The following TRIM11 variants were observed in gnomAD, a reference collection of about 807,000 sequenced individuals.
TRIM11 encodes the protein tripartite motif containing 11, also known as E3 ubiquitin-protein ligase TRIM11.
A neutral mutation model predicts 33.4 loss-of-function variants in TRIM11; 15 were observed. The observed-to-expected ratio is 0.45, with a 90% CI of 0.30 to 0.69. TRIM11 has a LOEUF of 0.69. TRIM11 is among the 30% of genes least tolerant of loss of function. TRIM11 has a pLI of 0.08. For missense variants in TRIM11, 499 were observed against 667.6 expected (o/e 0.75, Z 2.78); for synonymous variants, 281 against 302.6 (o/e 0.93, Z 0.74).
chr1:228,396,959 G>A lies in TRIM11; in HGVS notation c.847C>T (p.Arg283Trp), dbSNP rs753132362. The A allele has an allele frequency of 1.4e-5, 22 of 1,613,854 alleles. No individual in the cohort carries two copies. The highest frequency in any genetic ancestry group is 1.6e-4 in the Middle Eastern group (1 of 6,084). Residue 283 changes from arginine to tryptophan, a missense_variant, in exon 5 of 6, where the codon CGG (arginine) becomes TGG (tryptophan). Physicochemically the swap from Arg to Trp is moderately radical, Grantham distance 101 (BLOSUM62 -3). Transcript: ENST00000284551. ...CRVPGLVETL[R>W]RFRGDVTLDP... ...CCTCCACACCTACCTCGAAACCTCC[G>A]CAGTGTCTCTACCAGTCCCGGGACC...
Position 228,406,002 on chromosome 1 carries a change from C to T in TRIM11, c.408+152G>A. The T allele has an allele frequency of 1.1e-6, 1 of 905,554 alleles. No homozygotes were observed. Among genetic ancestry groups the T allele is most frequent in the Non-Finnish European group, 1.5e-6 (1 of 671,670 alleles). 56.1% of individuals were successfully genotyped at this position (905,554 alleles called of 1,614,324 possible). A position where few individuals can be genotyped will look rare whatever the true frequency, so the allele number is the denominator to read the frequency against. ...CACAGCCACCCTGCGCGACACCCCC[C>T]TCACAGGCCCACAGCAGGCTGCATC... On this transcript the variant is annotated intron_variant, in intron 1 of 5. Transcript: ENST00000284551. The surrounding 1 kb of genome is among the most constrained non-coding windows in gnomAD (Gnocchi z 8.2).
intron 3 of TRIM11, among the ~76,000 whole-genome samples, chr1:228,399,186 C>A (rs1205784703): frequency 6.6e-6 from 1 of 152,090 alleles, no homozygotes; most frequent in Non-Finnish European, 1.5e-5. Flanking sequence ...AACCGGGGGC[C>A]AAGGGTGCAA....
rs1558444587 is a variant in TRIM11, at chr1:228,394,784, G to A, written c.1328C>T (p.Ser443Leu). ...PFSGTLRPLF[S>L]PLSSSPTPMT... ...CGGGGTCGGGCTGCTGGACAGGGGT[G>A]AGAAGAGGGGCCGCAGCGTCCCCGA... The change falls in exon 6 of 6, where the codon TCA becomes TTA. Residue 443 changes from serine (S) to leucine (L), a missense_variant. By Grantham distance (145) the Ser-to-Leu change is moderately radical. Transcript: ENST00000284551. This position sits in a 1 kb window ranked among gnomAD's most constrained non-coding sequence, Gnocchi z 6.2. The A allele has an allele frequency of 6.2e-7, 1 of 1,614,076 alleles. No individual in the cohort carries two copies. The highest frequency in any genetic ancestry group is 8.5e-7 in the Non-Finnish European group (1 of 1,179,980).
At chr1:228,396,870 AAC>A (rs1206718115) in intron 5 of TRIM11, 75 bp downstream of exon 5, 1 of 1,388,220 alleles carries the variant, frequency 7.2e-7, no homozygotes, top group African/African-American at 1.4e-5. Context: ...CAGGGCACAG[AAC>A]ACGTGGCTGG....
chr1:228,402,013 G>A, intron 2 of TRIM11, 53 bp downstream of exon 2: 1 of 1,508,278 alleles, frequency 6.6e-7, no homozygotes, highest in South Asian at 1.2e-5. Context: ...CTCCTATACA[G>A]GACCTTCACC....
chr1:228,406,108 C>A lies in TRIM11; in HGVS notation c.408+46G>T. On this transcript the variant is annotated intron_variant, in intron 1 of 5. Coordinates refer to ENST00000284551, the MANE Select transcript of TRIM11 (RefSeq NM_145214.3). This position sits in a 1 kb window ranked among gnomAD's most constrained non-coding sequence, Gnocchi z 8.2. ...TCCCACCCGCCCAGGCCTCCCCAGT[C>A]CCCGGCTCCCCGACGCCCCTGCACG... 1 of 1,204,638 alleles carries A rather than the reference C, an allele frequency of 8.3e-7. No individual in the cohort carries two copies. The highest frequency in any genetic ancestry group is 1.1e-6 in the Non-Finnish European group (1 of 928,808). The allele number at this position is 1,204,638 out of a possible 1,614,324, so 74.6% of individuals were successfully genotyped here.
Position 228,394,389 on chromosome 1 carries a change from T to A in TRIM11, c.*316A>T. On this transcript the variant is annotated 3_prime_UTR_variant, in exon 6 of 6. Coordinates refer to ENST00000284551, the MANE Select transcript of TRIM11 (RefSeq NM_145214.3). The surrounding 1 kb of genome is among the most constrained non-coding windows in gnomAD (Gnocchi z 6.2). ...CTGGATTCTGCAAGCCCCAGTGGAG[T>A]TTTCTCAGCTTCTGGAACCACAGGC... 5.4e-6 allele frequency: 2 copies of A among 368,514 alleles called. No individual in the cohort carries two copies. The highest frequency in any genetic ancestry group is 4.4e-5 in the Admixed American group (1 of 22,658). The allele number at this position is 368,514 out of a possible 1,614,324, so 22.8% of individuals were successfully genotyped here.
At chr1:228,398,551 C>G (rs896725998) in intron 3 of TRIM11, among the ~76,000 whole-genome samples, 1 of 152,086 alleles carries the variant, frequency 6.6e-6, no homozygotes, top group Non-Finnish European at 1.5e-5. Context: ...CCCAGGACAT[C>G]GAGGCTGCAG....
In TRIM11 at chr1:228,406,128, T is replaced by A; in HGVS notation, c.408+26A>T. 2.5e-6 allele frequency: 3 copies of A among 1,177,382 alleles called. No individual in the cohort carries two copies. Among genetic ancestry groups the A allele is most frequent in the Admixed American group, 4.9e-5 (1 of 20,270 alleles). The allele number at this position is 1,177,382 out of a possible 1,614,324, so 72.9% of individuals were successfully genotyped here. A position where few individuals can be genotyped will look rare whatever the true frequency, so the allele number is the denominator to read the frequency against. On this transcript the variant is annotated intron_variant, in intron 1 of 5. Transcript: ENST00000284551. This position sits in a 1 kb window ranked among gnomAD's most constrained non-coding sequence, Gnocchi z 8.2. ...CCAGTCCCCGGCTCCCCGACGCCCC[T>A]GCACGCCACCCCCGCCCAGGAGCAC...
At position 228,400,928 on chromosome 1, in the gene TRIM11, C is replaced by A. The variant is rs752343618; in HGVS notation, c.735+36G>T. On this transcript the variant is annotated intron_variant, in intron 3 of 5. Transcript: ENST00000284551. This position sits in a 1 kb window ranked among gnomAD's most constrained non-coding sequence, Gnocchi z 4.5. ...TCCCCCAGTGTGGCCAGGCCATGCC[C>A]GTGTGGCCACCATGGCTGCTCCCCG... The A allele has an allele frequency of 3.3e-6, 5 of 1,505,748 alleles. No homozygotes were observed. The highest frequency in any genetic ancestry group is 4.8e-5 in the East Asian group (2 of 41,826). The allele number at this position is 1,505,748 out of a possible 1,614,324, so 93.3% of individuals were successfully genotyped here.
In TRIM11 at chr1:228,395,247, C is replaced by T. The variant is rs757527424; in HGVS notation, c.865G>A (p.Val289Met). ...VETLRRFRGD[V>M]TLDPDTANPE... ...TTGGCGGTGTCCGGGTCCAAGGTCACGTCCCCTGCAGAGAGAGGCCCAAGG... is the reference window on the plus strand; with the variant it reads ...TTGGCGGTGTCCGGGTCCAAGGTCATGTCCCCTGCAGAGAGAGGCCCAAGG... The change falls in exon 6 of 6, where the codon GTG becomes ATG. Residue 289 changes from valine to methionine, a missense_variant. Physicochemically the swap from Val to Met is conservative, Grantham distance 21. Coordinates refer to ENST00000284551, the MANE Select transcript of TRIM11 (RefSeq NM_145214.3). The surrounding 1 kb of genome is among the most constrained non-coding windows in gnomAD (Gnocchi z 4.8). The T allele has an allele frequency of 4.8e-6, 7 of 1,462,014 alleles. No individual in the cohort carries two copies. The highest frequency in any genetic ancestry group is 5.3e-5 in the Admixed American group (2 of 37,954). 90.6% of individuals were successfully genotyped at this position (1,462,014 alleles called of 1,614,324 possible). A position where few individuals can be genotyped will look rare whatever the true frequency, so the allele number is the denominator to read the frequency against.
At position 228,396,928 on chromosome 1, in the gene TRIM11, C is replaced by T; in HGVS notation, c.859+19G>A. ...TCCCCTCCTGGAGTCATCTCCCCAC[C>T]TGGGGCCTCCACACCTACCTCGAAA... On this transcript the variant is annotated intron_variant, in intron 5 of 5. Coordinates refer to ENST00000284551, the MANE Select transcript of TRIM11 (RefSeq NM_145214.3). 1 of 1,613,114 alleles carries T rather than the reference C, an allele frequency of 6.2e-7. No homozygotes were observed. The highest frequency in any genetic ancestry group is 8.5e-7 in the Non-Finnish European group (1 of 1,179,076).
rs1379373033 is a variant in TRIM11, at chr1:228,400,539, C to T, written c.735+425G>A. Among the ~76,000 whole-genome samples the T allele has an allele frequency of 1.3e-5, 2 of 152,090 alleles. No individual in the cohort carries two copies. Among genetic ancestry groups the T allele is most frequent in the Non-Finnish European group, 2.9e-5 (2 of 67,988 alleles). On this transcript the variant is annotated intron_variant, in intron 3 of 5. Coordinates refer to ENST00000284551, the MANE Select transcript of TRIM11 (RefSeq NM_145214.3). The surrounding 1 kb of genome is among the most constrained non-coding windows in gnomAD (Gnocchi z 4.5). ...AATGGAGATGCATGGGGTGTGCCAG[C>T]GGGGTGAAGACAGAGTGAAGGGCGA...
At chr1:228,396,911 T>C in intron 5 of TRIM11, 36 bp downstream of exon 5, 2 of 1,603,062 alleles carry the variant, frequency 1.2e-6, no homozygotes, top group Non-Finnish European at 1.7e-6. Flanking sequence ...GGTCCCCTCC[T>C]GGAGTCATCT....
rs745925825 is a variant in TRIM11, at chr1:228,401,828, T to C, written c.504+238A>G. ...CCTGAGAGTTGCCACCCAAGCATGCTGGGACCCCAGGATGGGGCCCTTGCA... is the reference window on the plus strand; with the variant it reads ...CCTGAGAGTTGCCACCCAAGCATGCCGGGACCCCAGGATGGGGCCCTTGCA... On this transcript the variant is annotated intron_variant, in intron 2 of 5. Transcript: ENST00000284551. This position sits in a 1 kb window ranked among gnomAD's most constrained non-coding sequence, Gnocchi z 6.1. 1.3e-5 allele frequency among the ~76,000 whole-genome samples: 2 copies of C among 152,076 alleles called. No homozygotes were observed. Among genetic ancestry groups the C allele is most frequent in the Non-Finnish European group, 2.9e-5 (2 of 67,986 alleles).
Position 228,406,685 on chromosome 1 carries a change from G to A in TRIM11, c.-124C>T. 1 of 965,080 alleles carries A rather than the reference G, an allele frequency of 1.0e-6. No individual in the cohort carries two copies. Among genetic ancestry groups the A allele is most frequent in the Middle Eastern group, 3.5e-4 (1 of 2,820 alleles). 59.8% of individuals were successfully genotyped at this position (965,080 alleles called of 1,614,324 possible). ...AGGCTCGGGCACTCCGGGGCGCGAG[G>A]CTCGGGACTCCCGGGTGCTCGGGCT... is the stretch of plus-strand genomic sequence containing the variant. On this transcript the variant is annotated 5_prime_UTR_variant, in exon 1 of 6. Transcript: ENST00000284551. This position sits in a 1 kb window ranked among gnomAD's most constrained non-coding sequence, Gnocchi z 8.2.
At chr1:228,397,233 C>T (rs1375758332) in intron 3 of TRIM11, 68 bp from the exon 4 acceptor site, 29 of 1,558,430 alleles carry the variant, frequency 1.9e-5, no homozygotes, top group Admixed American at 1.6e-4. Flanking sequence ...GTCCCCTCCC[C>T]GCCCCTGGAG....
At chr1:228,404,855 T>C (rs1656346657) in intron 1 of TRIM11, 1 of 152,268 alleles carries the variant, frequency 6.6e-6, no homozygotes, top group Non-Finnish European at 1.5e-5. Context: ...AATACGCTTT[T>C]CTATGAAGTT....
At position 228,400,796 on chromosome 1, in the gene TRIM11, C is replaced by G. The variant is rs543983545; in HGVS notation, c.735+168G>C. 6.6e-6 allele frequency among the ~76,000 whole-genome samples: 1 copy of G among 152,304 alleles called. No individual in the cohort carries two copies. The highest frequency in any genetic ancestry group is 1.5e-5 in the Non-Finnish European group (1 of 68,002). ...TGGGGGTGGGACATCTGTCCTGCTG[C>G]TGACTCAGCATTTCACAGGCAACAG... On this transcript the variant is annotated intron_variant, in intron 3 of 5. Coordinates refer to ENST00000284551, the MANE Select transcript of TRIM11 (RefSeq NM_145214.3). The surrounding 1 kb of genome is among the most constrained non-coding windows in gnomAD (Gnocchi z 4.5).
Sources: gnomAD v4.1 joint callset for allele counts (sites outside exome capture counted in the v4.1 genomes callset) on GRCh38, gnomAD v4.1.1 for gene constraint, Gnocchi (gnomAD v3.1) non-coding constraint, MANE v1.5 for transcripts, NCBI Gene and HGNC (gene_info 2026-07-23, HGNC 2026-07-21) for gene names.